Variants in TRHDE observed in about 807,000 individuals in gnomAD.
The protein encoded by TRHDE is thyrotropin releasing hormone degrading enzyme.
Under a neutral mutation model 125.7 loss-of-function variants are expected in TRHDE, and 72 were observed. The observed-to-expected ratio is 0.57, with a 90% CI of 0.47 to 0.70. The LOEUF is 0.70. TRHDE is among the 30% of genes least tolerant of loss of function. TRHDE has a pLI of 0.00. For synonymous variants in TRHDE, 509 were observed against 509.1 expected, an observed-to-expected ratio of 1.00 and a Z score of 0.00; for missense variants, 1,110 against 1,327.1, an observed-to-expected ratio of 0.84 and a Z score of 2.54.
chr12:72,276,231 C>G (rs1301047260), intron 1 of TRHDE, among the ~76,000 whole-genome samples: 4 of 152,110 alleles, frequency 2.6e-5, no homozygotes, highest in African/African-American at 9.7e-5. Flanking sequence ...AACCCACTTT[C>G]AAATAGGACG....
At chr12:72,597,762 T>TATATATATATAC (rs1555200904) in intron 12 of TRHDE, among the ~76,000 whole-genome samples, 2 of 80,670 alleles carry the variant, frequency 2.5e-5, no homozygotes, top group Non-Finnish European at 4.8e-5. Context: ...TATATATGCA[T>TATATATATATAC]ACACACACAA....
At chr12:72,370,441 C>T (rs1871525595) in intron 2 of TRHDE, among the ~76,000 whole-genome samples, 1 of 152,154 alleles carries the variant, frequency 6.6e-6, no homozygotes, top group Non-Finnish European at 1.5e-5. Context: ...CATTCTATGG[C>T]TTAAAATCTT....
intron 2 of TRHDE, among the ~76,000 whole-genome samples, chr12:72,133,038 TGA>T (rs1171434040): frequency 3.9e-5 from 6 of 152,172 alleles, no homozygotes; most frequent in Admixed American, 3.9e-4. Flanking sequence ...TGGTGTAAGA[TGA>T]GTCTGCAGAA....
rs1397214810 is a variant in TRHDE at position 72,618,893 on chromosome 12, C to G, written c.2324C>G (p.Ala775Gly). The G allele has an allele frequency of 1.3e-6, 2 of 1,503,176 alleles. No individual in the cohort carries two copies. Among genetic ancestry groups the G allele is most frequent in the African/African-American group, 1.4e-5 (1 of 69,222 alleles). The allele number at this position is 1,503,176 out of a possible 1,614,324, so 93.1% of individuals were successfully genotyped here. A position where few individuals can be genotyped will look rare whatever the true frequency, so the allele number is the denominator to read the frequency against. Residue 775 changes from alanine to glycine, a missense_variant and splice_region_variant, in exon 13 of 19, where the codon GCT becomes GGT. Around this residue, in one of 5 missense-constraint regions of TRHDE, gnomAD observed 527 missense variants for 651.8 expected, o/e 0.81. Coordinates refer to ENST00000261180, the MANE Select transcript of TRHDE (RefSeq NM_013381.3). Reference protein sequence around the residue: ...LIDDAFSLARAGYLPQNIPLE... With the variant: ...LIDDAFSLARGGYLPQNIPLE... The stretch of plus-strand genomic sequence containing the variant: ...TCTTTTTTTTTTTTTAACTGTAGGG[C>G]TGGCTATTTGCCTCAGAATATTCCT...
chr12:72,177,803 C>T (rs1234001196), intron 2 of TRHDE, among the ~76,000 whole-genome samples: 1 of 151,772 alleles, frequency 6.6e-6, no homozygotes, highest in African/African-American at 2.4e-5. Flanking sequence ...TTTGTATTAA[C>T]CAGCAATATT....
intron 2 of TRHDE, among the ~76,000 whole-genome samples, chr12:72,107,670 ATT>A (rs986497957): frequency 6.6e-6 from 1 of 152,104 alleles, no homozygotes; most frequent in Admixed American, 6.6e-5. Flanking sequence ...CAGACACAGA[ATT>A]TTCAGCCTTC....
At chr12:72,223,449 G>T (rs559348386) in intron 2 of TRHDE, among the ~76,000 whole-genome samples, 3 of 152,134 alleles carry the variant, frequency 2.0e-5, no homozygotes, top group Non-Finnish European at 4.4e-5. Flanking sequence ...GCAGGGAAGA[G>T]CATCTTTTCC....
At chr12:72,654,025 A>G (rs1874611262) in intron 17 of TRHDE, among the ~76,000 whole-genome samples, 1 of 152,148 alleles carries the variant, frequency 6.6e-6, no homozygotes, top group Non-Finnish European at 1.5e-5. Flanking sequence ...TTTCTATAAG[A>G]CACATTGACT....
intron 17 of TRHDE, 23 bp downstream of exon 17, chr12:72,653,179 G>T: frequency 6.3e-7 from 1 of 1,594,192 alleles, no homozygotes; most frequent in South Asian, 1.1e-5. Flanking sequence ...ATTCTTACTT[G>T]AATGAGTAAA....
chr12:72,103,068 C>T (rs1032127329), intron 1 of TRHDE, among the ~76,000 whole-genome samples: 1 of 152,210 alleles, frequency 6.6e-6, no homozygotes, highest in Admixed American at 6.5e-5. Flanking sequence ...CTACTTCCTT[C>T]TTCCCAAAAG....
intron 2 of TRHDE, among the ~76,000 whole-genome samples, chr12:72,266,850 G>T (rs1480831964): frequency 6.6e-6 from 1 of 151,980 alleles, no homozygotes; most frequent in Non-Finnish European, 1.5e-5. Flanking sequence ...ATCTTTTTCA[G>T]CTTCAGTTTC....
At chr12:72,602,693 A>G (rs908134030) in intron 12 of TRHDE, among the ~76,000 whole-genome samples, 8 of 152,228 alleles carry the variant, frequency 5.3e-5, no homozygotes, top group Non-Finnish European at 2.9e-5. Context: ...CCTGCAATAT[A>G]CAGGGTTGAA....
chr12:72,495,060 GTTTTTTT>G (rs751243542), intron 5 of TRHDE, among the ~76,000 whole-genome samples: 1 of 58,390 alleles, frequency 1.7e-5, no homozygotes, highest in African/African-American at 7.4e-5. Context: ...TTCCTCCCCC[GTTTTTTT>G]TTTTTTTTTT....
chr12:72,653,008 C>T lies in TRHDE; in HGVS notation c.2844-8C>T, dbSNP rs1246585533. The T allele has an allele frequency of 6.3e-6, 10 of 1,590,328 alleles. No homozygotes were observed. Among genetic ancestry groups the T allele is most frequent in the Non-Finnish European group, 8.5e-6 (10 of 1,170,560 alleles). On this transcript the variant is annotated splice_region_variant and splice_polypyrimidine_tract_variant and intron_variant, in intron 16 of 18. Coordinates refer to ENST00000261180, the MANE Select transcript of TRHDE (RefSeq NM_013381.3). ...ACTAAAAATTTTTACAAAATTCTATCTTTGAAGGCTTCTAAATCTGTCACT... is the reference window on the plus strand; with the variant it reads ...ACTAAAAATTTTTACAAAATTCTATTTTTGAAGGCTTCTAAATCTGTCACT...
At chr12:72,430,735 G>C (rs573939685) in intron 3 of TRHDE, among the ~76,000 whole-genome samples, 1 of 151,660 alleles carries the variant, frequency 6.6e-6, no homozygotes, top group Admixed American at 6.6e-5. Context: ...GGCAACTTTG[G>C]ATCCCTCAAA....
chr12:72,317,108 T>C (rs1868839849), intron 2 of TRHDE, among the ~76,000 whole-genome samples: 1 of 152,216 alleles, frequency 6.6e-6, no homozygotes, highest in Non-Finnish European at 1.5e-5. Flanking sequence ...TCCATTTTTA[T>C]AGGTGATAAG....
At chr12:72,137,714 A>G (rs910600958) in intron 2 of TRHDE, 1 of 152,198 alleles carries the variant, frequency 6.6e-6, no homozygotes, top group African/African-American at 2.4e-5. Flanking sequence ...CTTCAGGAGA[A>G]TTAGGATTGT....
chr12:72,323,629 G>A (rs968666625), intron 2 of TRHDE, among the ~76,000 whole-genome samples: 11 of 152,204 alleles, frequency 7.2e-5, no homozygotes, highest in South Asian at 2.1e-4. Flanking sequence ...AAGCTAATCC[G>A]TAGGCTGTGA....
intron 2 of TRHDE, among the ~76,000 whole-genome samples, chr12:72,240,137 T>G (rs1298918853): frequency 6.6e-6 from 1 of 152,034 alleles, no homozygotes; most frequent in Non-Finnish European, 1.5e-5. Flanking sequence ...TCTGTTTTCT[T>G]AAAGTTTCTT....
Sources: allele counts gnomAD v4.1 joint callset (sites outside exome capture counted in the v4.1 genomes callset), GRCh38; gene constraint gnomAD v4.1.1; regional missense constraint gnomAD v4.1.1; transcripts MANE v1.5; gene names NCBI Gene and HGNC (gene_info 2026-07-23, HGNC 2026-07-21).